The following ARHGAP21 variants were observed in gnomAD, a reference collection of about 807,000 sequenced individuals.
ARHGAP21 encodes the protein rho GTPase-activating protein 21.
In ARHGAP21, 38 loss-of-function variants were observed where a neutral mutation model predicts 164.6. The ratio of observed to expected loss-of-function variants is 0.23; its 90% CI spans 0.18 to 0.30. ARHGAP21 has a LOEUF of 0.30. ARHGAP21 is among the 10% of genes least tolerant of loss of function. The pLI is 1.00. For missense variants in ARHGAP21, 1,822 were observed against 2,370.7 expected (o/e 0.77, Z 4.81); for synonymous variants, 766 against 857.9 (o/e 0.89, Z 1.87).
intron 2 of ARHGAP21, among the ~76,000 whole-genome samples, chr10:24,689,058 T>C (rs1352015273): frequency 6.6e-6 from 1 of 152,142 alleles, no homozygotes; most frequent in African/African-American, 2.4e-5. Flanking sequence ...AACAGTCTGA[T>C]AGAGACTTTT....
chr10:24,630,441 T>A (rs564891765), intron 6 of ARHGAP21, among the ~76,000 whole-genome samples: 16 of 152,248 alleles, frequency 1.1e-4, no homozygotes, highest in Non-Finnish European at 2.1e-4. Context: ...TTGTCATATA[T>A]TCTGTTCAAG....
At chr10:24,697,026 T>A (rs1729214060) in intron 2 of ARHGAP21, among the ~76,000 whole-genome samples, 1 of 152,148 alleles carries the variant, frequency 6.6e-6, no homozygotes, top group African/African-American at 2.4e-5. Context: ...ACATTCCAAG[T>A]CAATGAAACG....
intron 2 of ARHGAP21, among the ~76,000 whole-genome samples, chr10:24,697,779 G>C (rs1039601489): frequency 3.9e-5 from 6 of 152,044 alleles, no homozygotes; most frequent in Admixed American, 1.3e-4. Context: ...AGAATCGCTT[G>C]AACCTGAGAG....
At chr10:24,691,900 A>C (rs989439491) in intron 2 of ARHGAP21, among the ~76,000 whole-genome samples, 1 of 152,248 alleles carries the variant, frequency 6.6e-6, no homozygotes, top group Admixed American at 6.5e-5. Flanking sequence ...TATATTTTAC[A>C]AAGAGAATCT....
intron 1 of ARHGAP21, chr10:24,722,803 G>C (rs917813444): frequency 6.6e-6 from 1 of 152,030 alleles, no homozygotes; most frequent in Admixed American, 6.5e-5. Context: ...CCGAGGAGGC[G>C]GCTGTTTTCC....
Position 24,599,670 on chromosome 10 carries a change from TAAG to T in ARHGAP21, c.3132+973_3132+975del, listed in dbSNP as rs1322223968. Among the ~76,000 whole-genome samples the T allele has an allele frequency of 2.0e-5, 3 of 152,340 alleles. No individual in the cohort carries two copies. The East Asian group carries it at 5.8e-4, about 29-fold the overall frequency. On this transcript the variant is annotated intron_variant, in intron 14 of 25. Coordinates refer to ENST00000396432, the MANE Select transcript of ARHGAP21 (RefSeq NM_020824.4). ...AGTGAAGAAAAAACTGTGTTAATGA[TAAG>T]AAAATACTTGAGCAACTGCTACTTC...
chr10:24,652,583 C>T (rs1030890985), intron 4 of ARHGAP21, among the ~76,000 whole-genome samples: 2 of 152,138 alleles, frequency 1.3e-5, no homozygotes, highest in African/African-American at 4.8e-5. Context: ...ATATCACTAA[C>T]AAAGTCCTCA....
intron 2 of ARHGAP21, among the ~76,000 whole-genome samples, chr10:24,694,770 C>A (rs1026692497): frequency 6.6e-6 from 1 of 151,960 alleles, no homozygotes; most frequent in Non-Finnish European, 1.5e-5. Flanking sequence ...AGAAATGAAC[C>A]ATGGCCAGGC....
chr10:24,697,958 T>TG (rs1460344720), intron 2 of ARHGAP21, among the ~76,000 whole-genome samples: 4 of 152,132 alleles, frequency 2.6e-5, no homozygotes, highest in Non-Finnish European at 4.4e-5. Context: ...GTACTGCATT[T>TG]GGGGGGGAAA....
At chr10:24,589,194 A>AT in intron 25 of ARHGAP21, 77 bp downstream of exon 25, 5 of 1,269,586 alleles carry the variant, frequency 3.9e-6, no homozygotes, top group Non-Finnish European at 5.7e-6. Flanking sequence ...AGAGGAATGC[A>AT]TTTGTGTATC....
In ARHGAP21 at chr10:24,584,366, G is replaced by A. The variant is rs757379824; in HGVS notation, c.*46C>T. The A allele has an allele frequency of 9.2e-6, 14 of 1,519,510 alleles. No homozygotes were observed. Among genetic ancestry groups the A allele is most frequent in the Admixed American group, 6.5e-5 (3 of 45,958 alleles). The allele number at this position is 1,519,510 out of a possible 1,614,324, so 94.1% of individuals were successfully genotyped here. A position where few individuals can be genotyped will look rare whatever the true frequency, so the allele number is the denominator to read the frequency against. On this transcript the variant is annotated 3_prime_UTR_variant, in exon 26 of 26. Coordinates refer to ENST00000396432, the MANE Select transcript of ARHGAP21 (RefSeq NM_020824.4). Reference sequence around the variant, plus strand: ...AAAATATTGACAGAGTTACTGGAACGTGTAACAGTAGTTTTTTTACTTGCT... The same window carrying A: ...AAAATATTGACAGAGTTACTGGAACATGTAACAGTAGTTTTTTTACTTGCT...
chr10:24,611,523 G>C (rs1481172049), intron 9 of ARHGAP21, among the ~76,000 whole-genome samples: 3 of 152,074 alleles, frequency 2.0e-5, no homozygotes, highest in Admixed American at 2.0e-4. Flanking sequence ...GGCCAACATG[G>C]TGAAGCTCCA....
chr10:24,629,607 ATT>A (rs201599192), intron 7 of ARHGAP21: 5 of 153,202 alleles, frequency 3.3e-5, no homozygotes, highest in East Asian at 2.0e-4. Flanking sequence ...ATAAGATTCT[ATT>A]TTTTTTTTTT....
chr10:24,631,829 G>A (rs1835882817), intron 6 of ARHGAP21, among the ~76,000 whole-genome samples: 1 of 152,036 alleles, frequency 6.6e-6, no homozygotes, highest in Admixed American at 6.6e-5. Context: ...CCTGGACTCA[G>A]GTGATCCTCC....
At chr10:24,610,752 C>T (rs767924977) in intron 9 of ARHGAP21, among the ~76,000 whole-genome samples, 1 of 152,072 alleles carries the variant, frequency 6.6e-6, no homozygotes, top group African/African-American at 2.4e-5. Context: ...AAAATTCATA[C>T]ATGTTACATA....
intron 7 of ARHGAP21, among the ~76,000 whole-genome samples, chr10:24,623,451 T>G (rs1218692331): frequency 6.6e-6 from 1 of 152,166 alleles, no homozygotes; most frequent in Non-Finnish European, 1.5e-5. Context: ...AGTGACAAAT[T>G]AAAGCTAGCC....
chr10:24,687,134 C>T (rs1842287759), intron 2 of ARHGAP21, among the ~76,000 whole-genome samples: 1 of 114,880 alleles, frequency 8.7e-6, no homozygotes, highest in Admixed American at 8.6e-5. Flanking sequence ...GAGGGTGAGC[C>T]CATGAGGTCT....
At chr10:24,602,368 T>G (rs1170793344) in intron 12 of ARHGAP21, among the ~76,000 whole-genome samples, 2 of 152,132 alleles carry the variant, frequency 1.3e-5, no homozygotes, top group Non-Finnish European at 2.9e-5. Context: ...AATGATCCGT[T>G]TGTGATTTAT....
intron 25 of ARHGAP21, among the ~76,000 whole-genome samples, chr10:24,587,781 T>A (rs190373734): frequency 9.8e-5 from 15 of 152,288 alleles, no homozygotes; most frequent in African/African-American, 3.4e-4. Flanking sequence ...CAGATTTCCT[T>A]AAGGTTCTCT....
Sources: gnomAD v4.1 joint callset for allele counts (sites outside exome capture counted in the v4.1 genomes callset) on GRCh38, gnomAD v4.1.1 for gene constraint, MANE v1.5 for transcripts, NCBI Gene and HGNC (gene_info 2026-07-23, HGNC 2026-07-21) for gene names.